Variants in SEMA3G observed in about 807,000 individuals in gnomAD.
The protein encoded by SEMA3G is semaphorin 3G, also known as semaphorin-3G.
A neutral mutation model predicts 86.2 loss-of-function variants in SEMA3G; 70 were observed. The ratio of observed to expected loss-of-function variants is 0.81; its 90% CI spans 0.67 to 0.99. The LOEUF (loss-of-function observed/expected upper bound fraction) is 0.99. SEMA3G is among the 50% of genes least tolerant of loss of function. SEMA3G has a pLI of 0.00. For synonymous variants in SEMA3G, 416 were observed against 441.4 expected, an observed-to-expected ratio of 0.94 and a Z score of 0.72; for missense variants, 1,002 against 1,072.4, an observed-to-expected ratio of 0.93 and a Z score of 0.92.
At chr3:52,440,287 G>T in intron 10 of SEMA3G, 90 bp downstream of exon 10, 1 of 1,391,894 alleles carries the variant, frequency 7.2e-7, no homozygotes. Context: ...CTGCCGTGGG[G>T]GTGCATGGGG....
Position 52,442,107 on chromosome 3 carries a change from G to C in SEMA3G, c.459+78C>G. The C allele has an allele frequency of 1.3e-6, 2 of 1,528,230 alleles. No homozygotes were observed. The highest frequency in any genetic ancestry group is 8.8e-7 in the Non-Finnish European group (1 of 1,131,730). The allele number at this position is 1,528,230 out of a possible 1,614,324, so 94.7% of individuals were successfully genotyped here. A position where few individuals can be genotyped will look rare whatever the true frequency, so the allele number is the denominator to read the frequency against. On this transcript the variant is annotated intron_variant, in intron 4 of 15. Transcript: ENST00000231721. This position sits in a 1 kb window ranked among gnomAD's most constrained non-coding sequence, Gnocchi z 6.1. ...CCCCTGCCCCTCTGTCCCTACCCAG[G>C]CTCAATGGGAATGTTCAGGCAGCAG...
rs1297326681 is a variant in SEMA3G at position 52,441,603 on chromosome 3, C to T, written c.638G>A (p.Arg213His). ...FRSGGPRPAL[R>H]SDSDQSLLHD... ...CAAGAGACTCTGGTCAGAGTCGGAA[C>T]GCAGAGCTGGCCGAGGACCTCCACT... Residue 213 changes from arginine (R) to histidine (H), a missense_variant, in exon 6 of 16, where the codon CGT becomes CAT. Arg to His is a conservative substitution (Grantham distance 29, BLOSUM62 0). Transcript: ENST00000231721. The T allele has an allele frequency of 5.6e-6, 9 of 1,613,440 alleles. No individual in the cohort carries two copies. The highest frequency in any genetic ancestry group is 4.4e-5 in the South Asian group (4 of 91,092).
chr3:52,441,095 G>A, intron 7 of SEMA3G, 47 bp from the exon 8 acceptor site: 1 of 1,492,526 alleles, frequency 6.7e-7, no homozygotes, highest in Non-Finnish European at 9.1e-7. Flanking sequence ...ACGAGGATGG[G>A]TCCCACCATC....
chr3:52,444,826 C>T (rs1706234910), intron 1 of SEMA3G, 87 bp downstream of exon 1: 2 of 962,462 alleles, frequency 2.1e-6, no homozygotes, highest in East Asian at 6.6e-5. Context: ...AGGGCACATG[C>T]ACACAAACAC....
chr3:52,440,858 A>G, intron 8 of SEMA3G, 35 bp from the exon 9 acceptor site: 1 of 1,604,108 alleles, frequency 6.2e-7, no homozygotes, highest in Non-Finnish European at 8.5e-7. Context: ...TGTCATGGCC[A>G]CCGCCAATGC....
Position 52,435,901 on chromosome 3 carries a change from G to C in SEMA3G, c.2051C>G (p.Pro684Arg). 2 of 1,614,060 alleles carry C rather than the reference G, an allele frequency of 1.2e-6. No individual in the cohort carries two copies. Among genetic ancestry groups the C allele is most frequent in the Non-Finnish European group, 1.7e-6 (2 of 1,180,026 alleles). The change falls in exon 16 of 16, where the codon CCT (proline) becomes CGT (arginine). Residue 684 changes from proline to arginine, a missense_variant. Transcript: ENST00000231721. The part of the protein sequence containing the change: ...IVASQLDNLF[P>R]PEPKPEEPPA... ...GGGCTCCTCTGGCTTTGGCTCCGGA[G>C]GGAACAGGTTGTCCAGCTGTGAGGC...
Position 52,433,384 on chromosome 3 carries a change from T to A in SEMA3G, c.*2219A>T, listed in dbSNP as rs1295254984. On this transcript the variant is annotated 3_prime_UTR_variant, in exon 16 of 16. Transcript: ENST00000231721. The stretch of plus-strand genomic sequence containing the variant: ...CATCCCTTTCCTTGTAAATTCAGCT[T>A]TTCTCACCAGAGCTCAGGGGCAGTC... The A allele has an allele frequency of 1.3e-5, 2 of 152,650 alleles. No individual in the cohort carries two copies. The highest frequency in any genetic ancestry group is 4.8e-5 in the African/African-American group (2 of 41,446). The allele number at this position is 152,650 out of a possible 1,614,324, so 9.5% of individuals were successfully genotyped here.
chr3:52,438,197 T>C lies in SEMA3G; in HGVS notation c.1512A>G (p.Gln504=). ...CCAGCCGAGAGCCCACGTATAGCAT[T>C]TGCTGGGGAGGGACAGAAGCAGAGC... The part of the protein sequence containing the change: ...ITEMEISVKR[Q]MLYVGSRLGV... The change falls in exon 14 of 16, where the codon CAA becomes CAG. Residue 504 remains glutamine (Q), a splice_region_variant and synonymous_variant. Transcript: ENST00000231721. 6.2e-7 allele frequency: 1 copy of C among 1,612,274 alleles called. No homozygotes were observed. Among genetic ancestry groups the C allele is most frequent in the East Asian group, 2.2e-5 (1 of 44,862 alleles).
intron 15 of SEMA3G, among the ~76,000 whole-genome samples, chr3:52,436,350 G>GGC (rs1706050279): frequency 6.6e-6 from 1 of 152,220 alleles, no homozygotes; most frequent in Non-Finnish European, 1.5e-5. Flanking sequence ...TCCAATCTTG[G>GGC]CCTCAGAGGG....
intron 15 of SEMA3G, 88 bp downstream of exon 15, chr3:52,437,438 AC>A: frequency 1.5e-6 from 2 of 1,363,300 alleles, no homozygotes; most frequent in East Asian, 2.3e-5. Flanking sequence ...TCCCCCCAGA[AC>A]CCCTTTCTGG....
Position 52,440,956 on chromosome 3 carries a change from G to C in SEMA3G, c.906C>G (p.Ala302=), listed in dbSNP as rs201709938. ...LVCSVPGPGG[A]ETHFDQLEDV... is the part of the protein sequence containing the mutation. ...CACCTAGCTGGTCAAAGTGGGTCTC[G>C]GCACCACCAGGGCCGGGCACCGAGC... The change falls in exon 8 of 16, where the codon GCC becomes GCG. Residue 302 remains alanine (A), a synonymous_variant. Coordinates refer to ENST00000231721, the MANE Select transcript of SEMA3G (RefSeq NM_020163.3). The C allele has an allele frequency of 4.4e-6, 7 of 1,606,476 alleles. No homozygotes were observed. The highest frequency in any genetic ancestry group is 2.2e-5 in the East Asian group (1 of 44,858).
intron 13 of SEMA3G, chr3:52,438,534 A>T (rs1706089965): frequency 3.0e-6 from 3 of 985,212 alleles, no homozygotes. Context: ...GCTTTAAGCA[A>T]CCCTTGCACG....
At chr3:52,438,476 C>G in intron 13 of SEMA3G, 2 of 985,466 alleles carry the variant, frequency 2.0e-6, no homozygotes, top group Non-Finnish European at 1.2e-6. Flanking sequence ...TGCCCTCTAT[C>G]CCAGGGGCCT....
intron 15 of SEMA3G, 78 bp from the exon 16 acceptor site, chr3:52,436,151 C>T (rs892255744): frequency 6.7e-7 from 1 of 1,488,446 alleles, no homozygotes; most frequent in African/African-American, 1.4e-5. Context: ...AGCTTTTCTG[C>T]CATCCTTGGG....
intron 15 of SEMA3G, among the ~76,000 whole-genome samples, chr3:52,436,362 C>G (rs534223296): frequency 6.6e-6 from 1 of 152,364 alleles, no homozygotes; most frequent in East Asian, 1.9e-4. Context: ...CTCAGAGGGC[C>G]CTGGCACACA....
chr3:52,437,760 A>G (rs1352226975), intron 14 of SEMA3G, 94 bp from the exon 15 acceptor site: 25 of 1,431,958 alleles, frequency 1.7e-5, no homozygotes, highest in Non-Finnish European at 2.2e-5. Context: ...CCCCACTAGT[A>G]TGACAAGAAC....
In SEMA3G at chr3:52,442,142, G is replaced by A. The variant is rs1210066041; in HGVS notation, c.459+43C>T. On this transcript the variant is annotated intron_variant, in intron 4 of 15. Coordinates refer to ENST00000231721, the MANE Select transcript of SEMA3G (RefSeq NM_020163.3). This position sits in a 1 kb window ranked among gnomAD's most constrained non-coding sequence, Gnocchi z 6.1. ...AATGTTCAGGCAGCAGGGAGGAAAT[G>A]TCACTGCCTCCCAGTCCCTTGTGGG... 3.8e-6 allele frequency: 6 copies of A among 1,588,414 alleles called. No homozygotes were observed. The highest frequency in any genetic ancestry group is 5.1e-6 in the Non-Finnish European group (6 of 1,165,172).
chr3:52,438,702 G>A (rs1706092483), intron 13 of SEMA3G: 1 of 985,372 alleles, frequency 1.0e-6, no homozygotes, highest in African/African-American at 1.7e-5. Flanking sequence ...CTTAGGAACT[G>A]GCCTTTGTGA....
At chr3:52,443,546 T>C (rs1437079591) in intron 1 of SEMA3G, among the ~76,000 whole-genome samples, 1 of 151,928 alleles carries the variant, frequency 6.6e-6, no homozygotes, top group Non-Finnish European at 1.5e-5. Context: ...CGGGCTTGGC[T>C]AGGGAGGTGG....
Sources: allele counts gnomAD v4.1 joint callset (sites outside exome capture counted in the v4.1 genomes callset), GRCh38; gene constraint gnomAD v4.1.1; non-coding constraint Gnocchi (gnomAD v3.1); transcripts MANE v1.5; gene names NCBI Gene and HGNC (gene_info 2026-07-23, HGNC 2026-07-21).